UBA3: variants seen among roughly 807,000 people sequenced by gnomAD.
UBA3 encodes ubiquitin like modifier activating enzyme 3.
A neutral mutation model predicts 73.5 loss-of-function variants in UBA3; 26 were observed. The observed-to-expected ratio is 0.35, with a 90% CI of 0.26 to 0.49. The LOEUF is 0.49. UBA3 is among the 20% of genes least tolerant of loss of function. The pLI, the probability that UBA3 is intolerant of heterozygous loss-of-function variation, is 0.98. For synonymous variants in UBA3, 217 were observed against 191.2 expected (o/e 1.13, Z -1.11); for missense variants, 495 against 555.6 (o/e 0.89, Z 1.10).
At position 69,063,850 on chromosome 3, in the gene UBA3, T is replaced by G. The variant is rs2092043950; in HGVS notation, c.472+218A>C. Among the ~76,000 whole-genome samples the G allele has an allele frequency of 1.3e-5, 2 of 152,174 alleles. 1 individual carries two copies. Among genetic ancestry groups the G allele is most frequent in the South Asian group, 4.1e-4 (2 of 4,834 alleles). ...GTTCTCAGAGCTCCAATTCCTTGAG[T>G]GAACTCTCATTCAGGTAAGCATAGA... On this transcript the variant is annotated intron_variant, in intron 7 of 17. Transcript: ENST00000361055.
intron 11 of UBA3, among the ~76,000 whole-genome samples, chr3:69,060,614 A>G (rs562536688): frequency 6.6e-6 from 1 of 152,356 alleles, no homozygotes; most frequent in East Asian, 1.9e-4. Flanking sequence ...CAGAAAAACA[A>G]CATGAGAACC....
rs780162362 is a variant in UBA3, at chr3:69,075,463, A to C, written c.231T>G (p.Ala77=). The change falls in exon 4 of 18, where the codon GCT becomes GCG. Residue 77 remains alanine, a synonymous_variant. Coordinates refer to ENST00000361055, the MANE Select transcript of UBA3 (RefSeq NM_003968.4). ...TCAGGAGCTCACATCCTAAGCCGCC[A>C]GCTCCAATGACTAGAACTTTACATG... ...LDTCKVLVIG[A]GGLGCELLKN... The C allele has an allele frequency of 1.7e-5, 27 of 1,567,474 alleles. No individual in the cohort carries two copies. The Admixed American group carries it at 5.1e-4, about 30-fold the overall frequency.
In UBA3 at chr3:69,056,877, G is replaced by A. The variant is rs2091978686; in HGVS notation, c.965-62C>T. ...TGGAAATTAGGCATGTTAAAAGTCA[G>A]TTATAAATCAGAACAGATAAATTTA... On this transcript the variant is annotated intron_variant, in intron 12 of 17. Transcript: ENST00000361055. 4 of 1,539,748 alleles carry A rather than the reference G, an allele frequency of 2.6e-6. No homozygotes were observed. The East Asian group carries it at 9.0e-5, about 35-fold the overall frequency.
chr3:69,055,914 C>T lies in UBA3; in HGVS notation c.1249-9G>A, dbSNP rs1239874958. ...TCAATAGAGGTTACCGACTAGAAAA[C>T]AAAATTACTTTAATGTAAGACACAT... On this transcript the variant is annotated splice_polypyrimidine_tract_variant and intron_variant, in intron 16 of 17. Transcript: ENST00000361055. 6.2e-7 allele frequency: 1 copy of T among 1,610,486 alleles called. No homozygotes were observed.
rs902084116 is a variant in UBA3, at chr3:69,056,365, G to T, written c.1084-82C>A. ...TTATGAACAATAAAATAAAAATCAGGTTGTTTTATAATCATGCATATTTCC... is the reference window on the plus strand; with the variant it reads ...TTATGAACAATAAAATAAAAATCAGTTTGTTTTATAATCATGCATATTTCC... On this transcript the variant is annotated intron_variant, in intron 14 of 17. Coordinates refer to ENST00000361055, the MANE Select transcript of UBA3 (RefSeq NM_003968.4). The T allele has an allele frequency of 5.8e-6, 7 of 1,205,388 alleles. No homozygotes were observed. The East Asian group carries it at 1.5e-4, about 26-fold the overall frequency. The allele number at this position is 1,205,388 out of a possible 1,614,324, so 74.7% of individuals were successfully genotyped here. A position where few individuals can be genotyped will look rare whatever the true frequency, so the allele number is the denominator to read the frequency against.
intron 11 of UBA3, among the ~76,000 whole-genome samples, chr3:69,061,347 C>T (rs2092019565): frequency 6.6e-6 from 1 of 152,206 alleles, no homozygotes; most frequent in Admixed American, 6.5e-5. Context: ...AGGCATGTGC[C>T]ACCACACCCA....
chr3:69,057,982 G>A (rs1456174112), intron 11 of UBA3, among the ~76,000 whole-genome samples: 1 of 138,388 alleles, frequency 7.2e-6, no homozygotes, highest in Non-Finnish European at 1.5e-5. Context: ...CTGGAGTGCA[G>A]TGTCGTGATC....
chr3:69,069,057 A>G (rs568325780), intron 5 of UBA3, among the ~76,000 whole-genome samples: 1 of 152,322 alleles, frequency 6.6e-6, no homozygotes, highest in African/African-American at 2.4e-5. Context: ...TTCTTTCCTA[A>G]TATTTCCATA....
intron 7 of UBA3, 26 bp downstream of exon 7, chr3:69,064,042 G>T: frequency 6.3e-7 from 1 of 1,583,642 alleles, no homozygotes; most frequent in Non-Finnish European, 8.6e-7. Context: ...AATCTAGTGA[G>T]CATTAATTTC....
intron 5 of UBA3, among the ~76,000 whole-genome samples, chr3:69,070,679 G>A (rs1048277942): frequency 3.9e-5 from 6 of 152,068 alleles, no homozygotes; most frequent in African/African-American, 1.2e-4. Flanking sequence ...TTGAGACAGG[G>A]TCTCGCTCTG....
rs139849348 is a variant in UBA3 at position 69,065,896 on chromosome 3, T to C, written c.429-1785A>G. On this transcript the variant is annotated intron_variant, in intron 6 of 17. Coordinates refer to ENST00000361055, the MANE Select transcript of UBA3 (RefSeq NM_003968.4). ...GATGTGAAACATCTTTTCATGTGCT[T>C]TTCGTCATCCTTTTTAGTAAAATAT... Among the ~76,000 whole-genome samples the C allele has an allele frequency of 1.9e-4, 29 of 152,312 alleles. No homozygotes were observed. In the East Asian group the frequency reaches 5.4e-3, roughly 28 times the overall value.
chr3:69,062,879 G>A, intron 9 of UBA3, 103 bp downstream of exon 9: 1 of 1,375,832 alleles, frequency 7.3e-7, no homozygotes, highest in Non-Finnish European at 9.9e-7. Context: ...TTAAAATACG[G>A]CCACTTCTAA....
chr3:69,070,721 C>T (rs1441926970), intron 5 of UBA3, among the ~76,000 whole-genome samples: 1 of 152,082 alleles, frequency 6.6e-6, no homozygotes, highest in Admixed American at 6.5e-5. Context: ...GGCATGAACA[C>T]AGTTCACTGC....
intron 7 of UBA3, among the ~76,000 whole-genome samples, 158 bp from the exon 8 acceptor site, chr3:69,063,661 C>A (rs2092042454): frequency 1.3e-5 from 2 of 151,944 alleles, no homozygotes; most frequent in South Asian, 4.1e-4. Context: ...CTATGAGAAC[C>A]CAAGTTTTCA....
intron 5 of UBA3, 126 bp downstream of exon 5, chr3:69,071,409 T>A: frequency 1.7e-6 from 1 of 582,194 alleles, no homozygotes; most frequent in Non-Finnish European, 2.9e-6. Flanking sequence ...TGGTAGTTTT[T>A]GTTTTTTAAA....
chr3:69,075,132 T>C (rs2107499916), intron 4 of UBA3: 1 of 159,044 alleles, frequency 6.3e-6, no homozygotes, highest in South Asian at 2.0e-4. Flanking sequence ...ATTTACTTCA[T>C]TGAAGTTAGG....
At chr3:69,071,963 T>G (rs2092125291) in intron 4 of UBA3, among the ~76,000 whole-genome samples, 1 of 152,244 alleles carries the variant, frequency 6.6e-6, no homozygotes, top group South Asian at 2.1e-4. Flanking sequence ...ATGCTTGCTA[T>G]TATTTTTTCA....
chr3:69,071,364 A>C (rs2092120807), intron 5 of UBA3, 171 bp downstream of exon 5: 1 of 507,238 alleles, frequency 2.0e-6, no homozygotes, highest in Non-Finnish European at 3.4e-6. Flanking sequence ...CAAGATGCCC[A>C]AAATTTTCTT....
intron 2 of UBA3, among the ~76,000 whole-genome samples, 153 bp from the exon 3 acceptor site, chr3:69,078,071 A>T (rs1235874743): frequency 6.6e-6 from 1 of 152,158 alleles, no homozygotes; most frequent in Admixed American, 6.5e-5. Context: ...ATGCTTTGAA[A>T]TTTTTTCTTG....
Sources: gnomAD v4.1 joint callset for allele counts (sites outside exome capture counted in the v4.1 genomes callset) on GRCh38, gnomAD v4.1.1 for gene constraint, MANE v1.5 for transcripts, NCBI Gene and HGNC (gene_info 2026-07-23, HGNC 2026-07-21) for gene names.